FGF14: variants seen among roughly 807,000 people sequenced by gnomAD.
FGF14 encodes fibroblast growth factor 14.
In FGF14, 5 loss-of-function variants were observed where a neutral mutation model predicts 25.5. The ratio of observed to expected loss-of-function variants is 0.20; its 90% CI spans 0.10 to 0.41. FGF14 has a LOEUF of 0.41. Ranked by LOEUF, FGF14 falls within the 10% of genes least tolerant of loss-of-function variation. The probability of loss-of-function intolerance (pLI) is 1.00; values close to 1 mark genes in which losing one functional copy is unlikely to be tolerated. For missense variants in FGF14, 222 were observed against 320.1 expected, an observed-to-expected ratio of 0.69 and a Z score of 2.34; for synonymous variants, 138 against 118.3, an observed-to-expected ratio of 1.17 and a Z score of -1.08.
chr13:102,090,300 C>A (rs1187984383), intron 1 of FGF14, among the ~76,000 whole-genome samples: 1 of 152,134 alleles, frequency 6.6e-6, no homozygotes, highest in East Asian at 1.9e-4. Flanking sequence ...CAAAAATAAT[C>A]TCCTAAAATT....
chr13:101,841,944 T>C (rs75186141), intron 3 of FGF14, among the ~76,000 whole-genome samples: 13,159 of 151,998 alleles, frequency 0.087, 870 homozygotes, highest in African/African-American at 0.18. Context: ...TATAATCATT[T>C]ATGTGAACCA....
intron 1 of FGF14, among the ~76,000 whole-genome samples, chr13:101,964,757 A>ATT (rs11391018): frequency 2.0e-5 from 3 of 151,364 alleles, no homozygotes; most frequent in Non-Finnish European, 2.9e-5. Flanking sequence ...TTCTACTTTC[A>ATT]TTTTTTTTCT....
chr13:101,869,308 A>G (rs939695415), intron 2 of FGF14, among the ~76,000 whole-genome samples: 3 of 152,186 alleles, frequency 2.0e-5, no homozygotes, highest in African/African-American at 7.2e-5. Context: ...CCAATATGAT[A>G]CGCCAGCGAA....
intron 1 of FGF14, among the ~76,000 whole-genome samples, chr13:102,336,267 G>A (rs1354164165): frequency 6.6e-6 from 1 of 152,176 alleles, no homozygotes; most frequent in Non-Finnish European, 1.5e-5. Context: ...GCGAACACAT[G>A]AATGATAAGA....
At chr13:101,858,766 C>T (rs2044255910) in intron 3 of FGF14, among the ~76,000 whole-genome samples, 1 of 151,926 alleles carries the variant, frequency 6.6e-6, no homozygotes, top group South Asian at 2.1e-4. Context: ...AATATAAAAC[C>T]AAAGTATTTT....
chr13:101,872,226 C>T (rs770339408), intron 2 of FGF14, among the ~76,000 whole-genome samples: 5 of 150,242 alleles, frequency 3.3e-5, no homozygotes, highest in Non-Finnish European at 7.4e-5. Context: ...GATAACTAAC[C>T]CATGGTTTGT....
rs532517416 is a variant in FGF14, at chr13:102,169,235, T to A, written c.208+232236A>T. ...ACCTGTGGAGCCCTTTGGCCTTACT[T>A]GTGCTTCCCCACATTTTCCTAATAT... On this transcript the variant is annotated intron_variant, in intron 1 of 4. Transcript: ENST00000376131. 1.2e-4 allele frequency among the ~76,000 whole-genome samples: 18 copies of A among 152,058 alleles called. No homozygotes were observed. In the South Asian group the frequency reaches 1.9e-3, roughly 16 times the overall value.
chr13:102,199,388 G>GTGGTGAGT (rs1200027037), intron 1 of FGF14, among the ~76,000 whole-genome samples: 1 of 152,168 alleles, frequency 6.6e-6, no homozygotes, highest in African/African-American at 2.4e-5. Context: ...TAAATGCTAG[G>GTGGTGAGT]TGGTGAGTTG....
chr13:101,736,993 A>G (rs1164443238), intron 3 of FGF14, among the ~76,000 whole-genome samples: 1 of 85,060 alleles, frequency 1.2e-5, no homozygotes, highest in Admixed American at 1.5e-4. Flanking sequence ...ATTATTTCTA[A>G]AAGTTATCAG....
At chr13:101,804,697 C>CAT (rs1406244788) in intron 3 of FGF14, among the ~76,000 whole-genome samples, 1 of 152,084 alleles carries the variant, frequency 6.6e-6, no homozygotes, top group African/African-American at 2.4e-5. Context: ...TACACACACA[C>CAT]ATACATATAT....
intron 1 of FGF14, among the ~76,000 whole-genome samples, chr13:102,122,647 T>C (rs1003345697): frequency 3.9e-5 from 6 of 152,222 alleles, no homozygotes; most frequent in African/African-American, 1.4e-4. Flanking sequence ...TTGATTTTAA[T>C]AGAACTATTT....
At chr13:101,982,231 C>T (rs1014075736) in intron 1 of FGF14, among the ~76,000 whole-genome samples, 23 of 152,170 alleles carry the variant, frequency 1.5e-4, no homozygotes, top group African/African-American at 5.3e-4. Flanking sequence ...ACAGAACATA[C>T]TAAATATATA....
Position 101,720,231 on chromosome 13 carries a change from A to G in FGF14, c.*2600T>C, listed in dbSNP as rs2034881903. ...AGCTCATCATTGCTGTCCTCTTCCC[A>G]TGCTACAGGTGAGACCAGACACAAA... On this transcript the variant is annotated 3_prime_UTR_variant, in exon 5 of 5. Coordinates refer to ENST00000376143, the MANE Select transcript of FGF14 (RefSeq NM_004115.4). The G allele has an allele frequency of 6.6e-6, 1 of 152,070 alleles. No individual in the cohort carries two copies. Among genetic ancestry groups the G allele is most frequent in the South Asian group, 2.1e-4 (1 of 4,826 alleles). 9.4% of individuals were successfully genotyped at this position (152,070 alleles called of 1,614,324 possible). A position where few individuals can be genotyped will look rare whatever the true frequency, so the allele number is the denominator to read the frequency against.
intron 1 of FGF14, among the ~76,000 whole-genome samples, chr13:101,953,600 T>TA (rs200974053): frequency 0.029 from 4,358 of 150,368 alleles, 97 homozygotes; most frequent in Middle Eastern, 0.045. Flanking sequence ...TTTTTATTTT[T>TA]TTTTTTTGAG....
intron 1 of FGF14, among the ~76,000 whole-genome samples, chr13:102,076,560 T>A (rs2140174402): frequency 6.6e-6 from 1 of 152,246 alleles, no homozygotes; most frequent in African/African-American, 2.4e-5. Context: ...GGAAAAAATT[T>A]AACCAAGGAG....
intron 1 of FGF14, among the ~76,000 whole-genome samples, chr13:102,179,670 G>T (rs72647404): frequency 2.6e-5 from 4 of 152,118 alleles, no homozygotes. Flanking sequence ...TGAAGTAGCA[G>T]ATCCCAAATT....
chr13:102,258,164 G>T (rs970899765), intron 1 of FGF14, among the ~76,000 whole-genome samples: 1 of 152,076 alleles, frequency 6.6e-6, no homozygotes, highest in Non-Finnish European at 1.5e-5. Flanking sequence ...AGAAGAGTAT[G>T]GGGAAGCTGC....
upstream of FGF14, among the ~76,000 whole-genome samples, chr13:101,918,616 G>A (rs1234563463): frequency 6.6e-6 from 1 of 152,228 alleles, no homozygotes; most frequent in Non-Finnish European, 1.5e-5. Context: ...GGGGGGAAGT[G>A]CAGCAGATTA....
chr13:101,827,694 T>TATG (rs1253802984), intron 3 of FGF14, among the ~76,000 whole-genome samples: 2 of 151,858 alleles, frequency 1.3e-5, no homozygotes, highest in Admixed American at 1.3e-4. Flanking sequence ...CCAGATTGTC[T>TATG]ATGAGATTCA....
Sources: allele counts gnomAD v4.1 joint callset (sites outside exome capture counted in the v4.1 genomes callset), GRCh38; gene constraint gnomAD v4.1.1; transcripts MANE v1.5; gene names NCBI Gene and HGNC (gene_info 2026-07-23, HGNC 2026-07-21).